The following ERC1 variants were observed in gnomAD, a reference collection of about 807,000 sequenced individuals.
ERC1 encodes the protein ELKS/RAB6-interacting/CAST family member 1.
A neutral mutation model predicts 132.0 loss-of-function variants in ERC1; 56 were observed. The ratio of observed to expected loss-of-function variants is 0.42; its 90% CI spans 0.34 to 0.53. The LOEUF (loss-of-function observed/expected upper bound fraction) is 0.53, where lower values mean the gene tolerates loss of function less well. ERC1 is among the 20% of genes least tolerant of loss of function. The probability of loss-of-function intolerance (pLI) is 0.03; values close to 1 mark genes in which losing one functional copy is unlikely to be tolerated. For missense variants in ERC1, 1,202 were observed against 1,349.9 expected, an observed-to-expected ratio of 0.89 and a Z score of 1.72; for synonymous variants, 478 against 476.1, an observed-to-expected ratio of 1.00 and a Z score of -0.05.
intron 13 of ERC1, among the ~76,000 whole-genome samples, chr12:1,239,401 C>T (rs1217049289): frequency 3.3e-5 from 5 of 152,084 alleles, no homozygotes; most frequent in Non-Finnish European, 5.9e-5. Context: ...TAGGGGTACT[C>T]CCCACCACTG....
intron 15 of ERC1, among the ~76,000 whole-genome samples, chr12:1,349,559 G>A (rs1377174352): frequency 6.6e-6 from 1 of 151,952 alleles, no homozygotes; most frequent in Middle Eastern, 3.4e-3. Context: ...AGCTACTCGG[G>A]AGGCTGAGGC....
chr12:1,083,315 A>G lies in ERC1; in HGVS notation c.821A>G (p.His274Arg), dbSNP rs144726911. The change falls in exon 3 of 19, where the codon CAT (histidine) becomes CGT (arginine). Residue 274 changes from histidine to arginine, a missense_variant. Transcript: ENST00000360905. ...EENFQRLHAE[H>R]ERQAKELFLL... ...AACTTTCAGAGGCTTCATGCTGAGC[A>G]TGAGCGGCAGGCCAAAGAGCTGTTT... 2.5e-6 allele frequency: 4 copies of G among 1,614,220 alleles called. No individual in the cohort carries two copies. Among genetic ancestry groups the G allele is most frequent in the Non-Finnish European group, 3.4e-6 (4 of 1,180,032 alleles).
chr12:1,296,741 A>G (rs1326355266), intron 15 of ERC1, among the ~76,000 whole-genome samples: 1 of 152,186 alleles, frequency 6.6e-6, no homozygotes, highest in East Asian at 1.9e-4. Flanking sequence ...GTCAAAAGAA[A>G]GAGTCAGTGA....
intron 17 of ERC1, among the ~76,000 whole-genome samples, chr12:1,416,318 T>G (rs543945787): frequency 6.6e-6 from 1 of 152,120 alleles, no homozygotes; most frequent in East Asian, 1.9e-4. Context: ...GTCTTGGAGG[T>G]TGAGTAAAGT....
chr12:1,100,244 T>C (rs1944515639), intron 3 of ERC1, among the ~76,000 whole-genome samples: 1 of 151,592 alleles, frequency 6.6e-6, no homozygotes, highest in Non-Finnish European at 1.5e-5. Context: ...AGAGGGTGAC[T>C]GACATGTTGA....
chr12:1,291,178 T>C (rs1297186605), intron 15 of ERC1, among the ~76,000 whole-genome samples: 1 of 152,238 alleles, frequency 6.6e-6, no homozygotes, highest in African/African-American at 2.4e-5. Context: ...AGGTGTCCTC[T>C]GTGCTTTCAC....
intron 15 of ERC1, among the ~76,000 whole-genome samples, chr12:1,322,953 G>A (rs73034947): frequency 0.035 from 5,262 of 152,188 alleles, 96 homozygotes; most frequent in Middle Eastern, 0.075. Context: ...TGTATGCCCT[G>A]ACAGTGGATG....
At chr12:1,222,414 C>T (rs1006431287) in intron 12 of ERC1, among the ~76,000 whole-genome samples, 13 of 151,734 alleles carry the variant, frequency 8.6e-5, no homozygotes, top group African/African-American at 1.9e-4. Context: ...TTGGCAGATA[C>T]GGGGTTTTGA....
At chr12:1,097,687 C>T (rs941708806) in intron 3 of ERC1, among the ~76,000 whole-genome samples, 1 of 151,472 alleles carries the variant, frequency 6.6e-6, no homozygotes, top group Non-Finnish European at 1.5e-5. Context: ...GGTAAGCTCC[C>T]TTCTCTGTGT....
intron 1 of ERC1, among the ~76,000 whole-genome samples, chr12:1,026,560 T>C (rs1966923319): frequency 6.6e-6 from 1 of 152,236 alleles, no homozygotes; most frequent in Non-Finnish European, 1.5e-5. Flanking sequence ...CAGGAATTTT[T>C]TCCAGTAATA....
At chr12:1,298,542 C>CCA (rs2080148689) in intron 15 of ERC1, among the ~76,000 whole-genome samples, 1 of 74,798 alleles carries the variant, frequency 1.3e-5, no homozygotes, top group Non-Finnish European at 3.0e-5. Flanking sequence ...GACTCTGTCA[C>CCA]AAAAAAAAAA....
At chr12:1,297,355 C>A (rs767244535) in intron 15 of ERC1, among the ~76,000 whole-genome samples, 1 of 151,674 alleles carries the variant, frequency 6.6e-6, no homozygotes, top group Non-Finnish European at 1.5e-5. Flanking sequence ...GTTCTTCAAG[C>A]TGAAGGGAAA....
intron 17 of ERC1, among the ~76,000 whole-genome samples, chr12:1,440,247 C>G (rs917550538): frequency 6.9e-6 from 1 of 144,734 alleles, no homozygotes; most frequent in Non-Finnish European, 1.5e-5. Flanking sequence ...CTCTGTCGCC[C>G]AGGCTGGAGT....
intron 12 of ERC1, among the ~76,000 whole-genome samples, chr12:1,210,926 T>C (rs1957806606): frequency 1.3e-5 from 2 of 150,040 alleles, no homozygotes; most frequent in Admixed American, 1.3e-4. Flanking sequence ...ACCCGGGAGG[T>C]AGAGGTTGCA....
At chr12:1,420,161 A>T (rs2092364695) in intron 17 of ERC1, among the ~76,000 whole-genome samples, 1 of 152,164 alleles carries the variant, frequency 6.6e-6, no homozygotes, top group South Asian at 2.1e-4. Context: ...TATTATTTTT[A>T]AATGTGTTCA....
chr12:1,031,926 C>T (rs949390200), intron 2 of ERC1, among the ~76,000 whole-genome samples: 1 of 152,252 alleles, frequency 6.6e-6, no homozygotes, highest in East Asian at 1.9e-4. Flanking sequence ...TCCCTTCATA[C>T]CAGCTAAGTA....
intron 8 of ERC1, among the ~76,000 whole-genome samples, chr12:1,174,793 T>C (rs374771232): frequency 6.6e-6 from 1 of 152,250 alleles, no homozygotes; most frequent in East Asian, 1.9e-4. Context: ...CAGGAAAGTC[T>C]AATCAACAGC....
At chr12:1,388,253 G>A (rs1436328369) in intron 16 of ERC1, among the ~76,000 whole-genome samples, 3 of 151,552 alleles carry the variant, frequency 2.0e-5, no homozygotes, top group African/African-American at 7.3e-5. Flanking sequence ...GAGAGGCTGA[G>A]GCAGGAGAAT....
At chr12:1,078,352 A>G (rs1941666779) in intron 2 of ERC1, among the ~76,000 whole-genome samples, 1 of 152,160 alleles carries the variant, frequency 6.6e-6, no homozygotes, top group Non-Finnish European at 1.5e-5. Flanking sequence ...AGGTCTTTTG[A>G]ACTCCAGCAA....
Sources: allele counts gnomAD v4.1 joint callset (sites outside exome capture counted in the v4.1 genomes callset), GRCh38; gene constraint gnomAD v4.1.1; transcripts MANE v1.5; gene names NCBI Gene and HGNC (gene_info 2026-07-23, HGNC 2026-07-21).